Variants in DPYD observed in about 807,000 individuals in gnomAD.
DPYD encodes dihydropyrimidine dehydrogenase.
In DPYD, 109 loss-of-function variants were observed where a neutral mutation model predicts 116.2. The ratio of observed to expected loss-of-function variants is 0.94; its 90% CI spans 0.80 to 1.10. The LOEUF (loss-of-function observed/expected upper bound fraction) is 1.10. DPYD is among the 50% of genes least tolerant of loss of function. The probability of loss-of-function intolerance (pLI) is 0.00; values close to 1 mark genes in which losing one functional copy is unlikely to be tolerated. For synonymous variants in DPYD, 440 were observed against 432.0 expected (o/e 1.02, Z -0.23); for missense variants, 1,302 against 1,254.5 (o/e 1.04, Z -0.57).
chr1:97,760,931 C>G (rs191294606), intron 3 of DPYD, among the ~76,000 whole-genome samples: 1 of 152,180 alleles, frequency 6.6e-6, no homozygotes, highest in Admixed American at 6.6e-5. Flanking sequence ...GGGGTTAGAA[C>G]AACACTGAAA....
chr1:97,490,133 T>C (rs1285030178), intron 13 of DPYD, among the ~76,000 whole-genome samples: 1 of 151,890 alleles, frequency 6.6e-6, no homozygotes, highest in Non-Finnish European at 1.5e-5. Flanking sequence ...TGAAAGATGC[T>C]TAAAATACTG....
chr1:97,341,345 A>G, intron 16 of DPYD, among the ~76,000 whole-genome samples: 1 of 152,136 alleles, frequency 6.6e-6, no homozygotes, highest in East Asian at 1.9e-4. Flanking sequence ...AAAGCCCCTA[A>G]TTTACTGCAG....
rs368970772 is a variant in DPYD, at chr1:97,699,542, G to A, written c.489C>T (p.Phe163=). Residue 163 remains phenylalanine, a synonymous_variant, in exon 6 of 23, where the codon TTC becomes TTT. Coordinates refer to ENST00000370192, the MANE Select transcript of DPYD (RefSeq NM_000110.4). ...TGATCTGTGGGATACTCATTGCTTTGAATACCTACGGGGAAATCAATTGTC... is the reference window on the plus strand; with the variant it reads ...TGATCTGTGGGATACTCATTGCTTTAAATACCTACGGGGAAATCAATTGTC... ...GGLQQFATEV[F]KAMSIPQIRN... is the part of the protein sequence containing the mutation. 4 of 1,613,360 alleles carry A rather than the reference G, an allele frequency of 2.5e-6. No homozygotes were observed. Among genetic ancestry groups the A allele is most frequent in the Non-Finnish European group, 3.4e-6 (4 of 1,179,448 alleles).
chr1:97,563,754 T>A (rs1328563294), intron 11 of DPYD, among the ~76,000 whole-genome samples: 1 of 152,212 alleles, frequency 6.6e-6, no homozygotes, highest in Non-Finnish European at 1.5e-5. Flanking sequence ...CAGATGTAAG[T>A]GATGTGGTGT....
intron 5 of DPYD, among the ~76,000 whole-genome samples, chr1:97,703,100 A>T (rs1162445479): frequency 6.6e-6 from 1 of 151,944 alleles, no homozygotes; most frequent in East Asian, 1.9e-4. Flanking sequence ...ACACTAATCT[A>T]TCAATTGGTA....
Position 97,098,582 on chromosome 1 carries a change from T to C in DPYD, c.2673A>G (p.Ala891=), listed in dbSNP as rs376391343. The C allele has an allele frequency of 2.7e-5, 44 of 1,613,224 alleles. No homozygotes were observed. In the African/African-American group the frequency reaches 5.5e-4, roughly 20 times the overall value. ...PYLEQRKKII[A]ENKIRLKEQN... is the part of the protein sequence containing the mutation. ...GTTCTTTCAGTCTAATCTTGTTTTC[T>C]GCTATGATTTTCTTGCGCTGTTCCA... The change falls in exon 21 of 23, where the codon GCA becomes GCG. Residue 891 remains alanine (A), a synonymous_variant. Coordinates refer to ENST00000370192, the MANE Select transcript of DPYD (RefSeq NM_000110.4).
chr1:97,618,757 T>G (rs1412549863), intron 8 of DPYD, among the ~76,000 whole-genome samples: 1 of 152,166 alleles, frequency 6.6e-6, no homozygotes, highest in African/African-American at 2.4e-5. Context: ...AACGTAGGAT[T>G]TTAATCCAGG....
At chr1:97,414,746 G>T (rs779218148) in intron 14 of DPYD, among the ~76,000 whole-genome samples, 1 of 152,172 alleles carries the variant, frequency 6.6e-6, no homozygotes, top group Non-Finnish European at 1.5e-5. Flanking sequence ...TTCTAGGTGC[G>T]AAATAGGGTC....
rs900842193 is a variant in DPYD, at chr1:97,800,088, T to C, written c.233+28026A>G. Among the ~76,000 whole-genome samples the C allele has an allele frequency of 2.0e-5, 3 of 151,946 alleles. No individual in the cohort carries two copies. The South Asian group carries it at 6.2e-4, about 31-fold the overall frequency. On this transcript the variant is annotated intron_variant, in intron 3 of 22. Coordinates refer to ENST00000370192, the MANE Select transcript of DPYD (RefSeq NM_000110.4). ...TTTATTTTTTGTATAAAGGTAGATG[T>C]CTTCATATTAACTGTAAAATTAGAG...
At chr1:97,551,760 A>G (rs977546942) in intron 11 of DPYD, among the ~76,000 whole-genome samples, 3 of 152,168 alleles carry the variant, frequency 2.0e-5, no homozygotes, top group African/African-American at 7.2e-5. Flanking sequence ...TCGGCCCTCC[A>G]TATCTGTGGG....
At chr1:97,247,810 A>C (rs927226018) in intron 18 of DPYD, among the ~76,000 whole-genome samples, 10 of 152,214 alleles carry the variant, frequency 6.6e-5, no homozygotes, top group African/African-American at 2.2e-4. Context: ...GACAACAAAA[A>C]ACAGAAAGTC....
chr1:97,235,187 T>C (rs1661829912), intron 18 of DPYD, among the ~76,000 whole-genome samples, 193 bp from the exon 19 acceptor site: 1 of 152,260 alleles, frequency 6.6e-6, no homozygotes, highest in South Asian at 2.1e-4. Context: ...TGTTAATGGA[T>C]GTTTATTTAT....
chr1:97,343,730 T>C (rs1369993719), intron 16 of DPYD, among the ~76,000 whole-genome samples: 1 of 152,024 alleles, frequency 6.6e-6, no homozygotes, highest in Non-Finnish European at 1.5e-5. Flanking sequence ...TCCCTTAATA[T>C]ATGAGTGCTA....
chr1:97,318,559 A>G (rs1668012900), intron 16 of DPYD, among the ~76,000 whole-genome samples: 1 of 152,094 alleles, frequency 6.6e-6, no homozygotes, highest in African/African-American at 2.4e-5. Flanking sequence ...CAACCAATAC[A>G]GGAGCACCCA....
chr1:97,743,421 T>C (rs1487770961), intron 3 of DPYD, among the ~76,000 whole-genome samples: 1 of 152,136 alleles, frequency 6.6e-6, no homozygotes, highest in African/African-American at 2.4e-5. Flanking sequence ...GTAGTCCTAA[T>C]AAAATATCAA....
Position 97,392,675 on chromosome 1 carries a change from A to G in DPYD, c.1906-10214T>C, listed in dbSNP as rs186886749. ...TTTTTATTTCAACAACGTTCACAGCATCTTCACCAGGAGTAGATTTCATCT... is the reference window on the plus strand; with the variant it reads ...TTTTTATTTCAACAACGTTCACAGCGTCTTCACCAGGAGTAGATTTCATCT... On this transcript the variant is annotated intron_variant, in intron 14 of 22. Coordinates refer to ENST00000370192, the MANE Select transcript of DPYD (RefSeq NM_000110.4). Among the ~76,000 whole-genome samples the G allele has an allele frequency of 9.0e-4, 137 of 152,174 alleles. 3 individuals carry two copies. The highest frequency in any genetic ancestry group is 1.6e-4 in the Non-Finnish European group (11 of 67,960).
At chr1:97,318,289 T>C (rs1226625123) in intron 16 of DPYD, among the ~76,000 whole-genome samples, 1 of 126,532 alleles carries the variant, frequency 7.9e-6, no homozygotes, top group Non-Finnish European at 1.8e-5. Context: ...GACTGGCAAG[T>C]TGGATAAAGA....
chr1:97,817,490 T>C (rs1432701894), intron 3 of DPYD, among the ~76,000 whole-genome samples: 2 of 152,146 alleles, frequency 1.3e-5, no homozygotes, highest in East Asian at 3.9e-4. Context: ...ATGTCTATCT[T>C]CCAGAAGAGA....
intron 14 of DPYD, among the ~76,000 whole-genome samples, chr1:97,411,097 C>A (rs1673967856): frequency 6.6e-6 from 1 of 152,134 alleles, no homozygotes; most frequent in Non-Finnish European, 1.5e-5. Flanking sequence ...GCATTCTGAT[C>A]ACGCAGCTGG....
Sources: allele counts gnomAD v4.1 joint callset (sites outside exome capture counted in the v4.1 genomes callset), GRCh38; gene constraint gnomAD v4.1.1; transcripts MANE v1.5; gene names NCBI Gene and HGNC (gene_info 2026-07-23, HGNC 2026-07-21).